The following MBOAT1 variants were observed in gnomAD, a reference collection of about 807,000 sequenced individuals.
The protein encoded by MBOAT1 is membrane bound glycerophospholipid O-acyltransferase 1.
Under a neutral mutation model 64.4 loss-of-function variants are expected in MBOAT1, and 67 were observed. That is an observed-to-expected ratio of 1.04 (90% CI 0.85 to 1.27). The LOEUF is 1.27. Among genes scored for constraint, MBOAT1 ranks in the 50% most tolerant of loss-of-function variants. The pLI, the probability that MBOAT1 is intolerant of heterozygous loss-of-function variation, is 0.00. For synonymous variants in MBOAT1, 229 were observed against 218.9 expected, an observed-to-expected ratio of 1.05 and a Z score of -0.41; for missense variants, 563 against 604.6, an observed-to-expected ratio of 0.93 and a Z score of 0.72.
chr6:20,195,083 G>A (rs778412749), intron 1 of MBOAT1, among the ~76,000 whole-genome samples: 2 of 151,814 alleles, frequency 1.3e-5, no homozygotes, highest in Non-Finnish European at 2.9e-5. Flanking sequence ...CTCCTGAATA[G>A]CTGGGACCAT....
chr6:20,184,534 A>G (rs1270301807), intron 1 of MBOAT1, among the ~76,000 whole-genome samples: 1 of 152,082 alleles, frequency 6.6e-6, no homozygotes, highest in Non-Finnish European at 1.5e-5. Context: ...GAAGGATGAC[A>G]AGCCCCTGTG....
chr6:20,135,125 A>T lies in MBOAT1; in HGVS notation c.420-3926T>A, dbSNP rs2148944. Among the ~76,000 whole-genome samples, 1,425 of 152,226 alleles carry T rather than the reference A, an allele frequency of 9.4e-3. 21 individuals carry two copies. Among genetic ancestry groups the T allele is most frequent in the African/African-American group, 0.033 (1,364 of 41,524 alleles). On this transcript the variant is annotated intron_variant, in intron 4 of 12. Coordinates refer to ENST00000324607, the MANE Select transcript of MBOAT1 (RefSeq NM_001080480.3). ...CACTTGTCAATCATAGGATCCAATC[A>T]TAGGATCCACCATCTGACCAACCTG...
chr6:20,174,296 T>G (rs567798596), intron 1 of MBOAT1, among the ~76,000 whole-genome samples: 1 of 152,320 alleles, frequency 6.6e-6, no homozygotes, highest in East Asian at 1.9e-4. Context: ...TTCGTCATCA[T>G]GCAAGCATCA....
chr6:20,106,723 T>C (rs1759970892), intron 12 of MBOAT1, among the ~76,000 whole-genome samples: 1 of 152,222 alleles, frequency 6.6e-6, no homozygotes, highest in East Asian at 1.9e-4. Flanking sequence ...CGCCCGACCA[T>C]CATAGAAACT....
intron 1 of MBOAT1, among the ~76,000 whole-genome samples, chr6:20,193,192 G>C (rs983468002): frequency 6.6e-6 from 1 of 150,840 alleles, no homozygotes; most frequent in Non-Finnish European, 1.5e-5. Flanking sequence ...ATTTTTAGTA[G>C]AGACGGGGTT....
intron 11 of MBOAT1, among the ~76,000 whole-genome samples, chr6:20,111,283 G>T (rs934315505): frequency 1.3e-5 from 2 of 152,152 alleles, no homozygotes; most frequent in South Asian, 2.1e-4. Context: ...AGCAGAAGAT[G>T]CATCAGTGCC....
chr6:20,190,344 G>A (rs2113755036), intron 1 of MBOAT1, among the ~76,000 whole-genome samples: 1 of 152,282 alleles, frequency 6.6e-6, no homozygotes, highest in South Asian at 2.1e-4. Context: ...AAATATAAAT[G>A]TAAATATCAA....
chr6:20,164,204 CAA>C (rs398048413), intron 1 of MBOAT1, among the ~76,000 whole-genome samples: 1,607 of 140,924 alleles, frequency 0.011, 18 homozygotes, highest in Admixed American at 0.021. Flanking sequence ...CACACACACA[CAA>C]ACACACCCCA....
intron 1 of MBOAT1, among the ~76,000 whole-genome samples, chr6:20,205,290 G>C (rs1280322345): frequency 1.3e-5 from 2 of 152,170 alleles, no homozygotes; most frequent in Admixed American, 1.3e-4. Context: ...AACTTTTAGT[G>C]CTGTATTAAC....
In MBOAT1 at chr6:20,119,624, G is replaced by A. The variant is rs74352294; in HGVS notation, c.908-1084C>T. On this transcript the variant is annotated intron_variant, in intron 8 of 12. Transcript: ENST00000324607. ...GATGATTTAACACTGCTTATCTTAC[G>A]CTTGGCTTCACTGTAAGATGATCTG... 4.1e-3 allele frequency among the ~76,000 whole-genome samples: 631 copies of A among 152,230 alleles called. 4 individuals carry two copies. The highest frequency in any genetic ancestry group is 0.014 in the African/African-American group (581 of 41,526).
chr6:20,212,005 A>ACAC (rs1278813049), intron 1 of MBOAT1, 131 bp downstream of exon 1: 182 of 529,992 alleles, frequency 3.4e-4, no homozygotes, highest in Middle Eastern at 8.6e-4. Flanking sequence ...CACACACACA[A>ACAC]AAACCAACTG....
chr6:20,205,774 G>A lies in MBOAT1; in HGVS notation c.99+6362C>T, dbSNP rs1251416126. ...TTCCAAAAGGCCCCCCCACCCACCT[G>A]CTAACAGCAAGCTCTTCAGAACCAC... On this transcript the variant is annotated intron_variant, in intron 1 of 12. Coordinates refer to ENST00000324607, the MANE Select transcript of MBOAT1 (RefSeq NM_001080480.3). Among the ~76,000 whole-genome samples, 7 of 151,950 alleles carry A rather than the reference G, an allele frequency of 4.6e-5. No homozygotes were observed. In the East Asian group the frequency reaches 1.4e-3, roughly 29 times the overall value.
intron 1 of MBOAT1, among the ~76,000 whole-genome samples, chr6:20,180,774 T>C (rs1762484964): frequency 6.6e-6 from 1 of 152,208 alleles, no homozygotes; most frequent in South Asian, 2.1e-4. Flanking sequence ...ACTTTTGATG[T>C]TTTACATTCA....
rs559454084 is a variant in MBOAT1 at position 20,154,488 on chromosome 6, G to T, written c.100-1719C>A. ...GCAGAGGTTGCAGTGAGCTGAGATC[G>T]CACCACTGCACTCCAGCCTGGGCAA... On this transcript the variant is annotated intron_variant, in intron 1 of 12. Transcript: ENST00000324607. Among the ~76,000 whole-genome samples the T allele has an allele frequency of 6.6e-5, 10 of 151,920 alleles. No individual in the cohort carries two copies. The South Asian group carries it at 1.0e-3, about 16-fold the overall frequency.
At position 20,156,392 on chromosome 6, in the gene MBOAT1, A is replaced by G. The variant is rs531864937; in HGVS notation, c.100-3623T>C. ...CATCATGGATTAAAAGCTGCCCTGT[A>G]TGTACAGACTCAACCTGCTCCACCA... On this transcript the variant is annotated intron_variant, in intron 1 of 12. Transcript: ENST00000324607. 4.3e-4 allele frequency among the ~76,000 whole-genome samples: 65 copies of G among 152,294 alleles called. No individual in the cohort carries two copies. The South Asian group carries it at 0.013, about 31-fold the overall frequency.
Position 20,124,578 on chromosome 6 carries a change from C to A in MBOAT1, c.737G>T (p.Gly246Val). 2.5e-6 allele frequency: 4 copies of A among 1,614,140 alleles called. No individual in the cohort carries two copies. The highest frequency in any genetic ancestry group is 3.4e-6 in the Non-Finnish European group (4 of 1,179,984). ...CAAAAGGAGAGACACCAAGGTGATGCCCAACTTGTGTATCACAGCTCCCTG... is the reference window on the plus strand; with the variant it reads ...CAAAAGGAGAGACACCAAGGTGATGACCAACTTGTGTATCACAGCTCCCTG... Reference protein sequence around the residue: ...SPTGAVIHKLGITLVSLLLFL... With the variant: ...SPTGAVIHKLVITLVSLLLFL... The change falls in exon 8 of 13, where the codon GGC (glycine) becomes GTC (valine). Residue 246 changes from glycine to valine, a missense_variant. Gly to Val is a moderately radical substitution (Grantham distance 109, BLOSUM62 -3). Transcript: ENST00000324607.
At chr6:20,208,511 C>T (rs1287209445) in intron 1 of MBOAT1, among the ~76,000 whole-genome samples, 1 of 149,648 alleles carries the variant, frequency 6.7e-6, no homozygotes, top group Non-Finnish European at 1.5e-5. Context: ...CCTGGTATCA[C>T]CATTAGTCTG....
intron 3 of MBOAT1, among the ~76,000 whole-genome samples, chr6:20,146,874 T>C (rs1761339587): frequency 6.6e-6 from 1 of 152,232 alleles, no homozygotes; most frequent in African/African-American, 2.4e-5. Context: ...AGTGAGAACA[T>C]GTATTCTACA....
chr6:20,119,770 A>C (rs942863539), intron 8 of MBOAT1, among the ~76,000 whole-genome samples: 1 of 152,204 alleles, frequency 6.6e-6, no homozygotes, highest in Non-Finnish European at 1.5e-5. Context: ...TACCTGTAAG[A>C]AACTAATGGT....
Sources: allele counts gnomAD v4.1 joint callset (sites outside exome capture counted in the v4.1 genomes callset), GRCh38; gene constraint gnomAD v4.1.1; transcripts MANE v1.5; gene names NCBI Gene and HGNC (gene_info 2026-07-23, HGNC 2026-07-21).